AGTPBP1: variants seen among roughly 807,000 people sequenced by gnomAD.
AGTPBP1 encodes ATP/GTP binding carboxypeptidase 1, also known as cytosolic carboxypeptidase 1.
A neutral mutation model predicts 143.9 loss-of-function variants in AGTPBP1; 70 were observed. The ratio of observed to expected loss-of-function variants is 0.49; its 90% CI spans 0.40 to 0.59. The LOEUF (loss-of-function observed/expected upper bound fraction) is 0.59, where lower values mean the gene tolerates loss of function less well. Ranked by LOEUF, AGTPBP1 falls within the 20% of genes least tolerant of loss-of-function variation. The pLI, the probability that AGTPBP1 is intolerant of heterozygous loss-of-function variation, is 0.00. For synonymous variants in AGTPBP1, 463 were observed against 500.2 expected (o/e 0.93, Z 0.99); for missense variants, 1,229 against 1,464.5 (o/e 0.84, Z 2.62).
the AGTPBP1 span, among the ~76,000 whole-genome samples, chr9:85,750,115 A>T: frequency 0.48 from 72,834 of 151,918 alleles, 18,554 homozygotes; most frequent in Middle Eastern, 0.59. Context: ...ATCTCCTGAC[A>T]TTGTGATCTA....
Position 85,712,546 on chromosome 9 carries a change from C to T in AGTPBP1, c.-13G>A. The T allele has an allele frequency of 2.0e-6, 3 of 1,480,060 alleles. No individual in the cohort carries two copies. The highest frequency in any genetic ancestry group is 2.7e-6 in the Non-Finnish European group (3 of 1,100,438). The allele number at this position is 1,480,060 out of a possible 1,614,324, so 91.7% of individuals were successfully genotyped here. A position where few individuals can be genotyped will look rare whatever the true frequency, so the allele number is the denominator to read the frequency against. ...TTAACTTGCTCATCTTGAGTTACTTCATTTCATAATTGCAGATAATCTAAA... is the reference window on the plus strand; with the variant it reads ...TTAACTTGCTCATCTTGAGTTACTTTATTTCATAATTGCAGATAATCTAAA... On this transcript the variant is annotated 5_prime_UTR_variant, in exon 2 of 26. It removes an upstream start codon present in the reference 5' UTR. Transcript: ENST00000357081.
intron 2 of AGTPBP1, among the ~76,000 whole-genome samples, chr9:85,701,119 C>G (rs1162554375): frequency 6.6e-6 from 1 of 151,902 alleles, no homozygotes; most frequent in African/African-American, 2.4e-5. Flanking sequence ...ACCATGTTGG[C>G]CAGGCTGGTC....
intron 2 of AGTPBP1, among the ~76,000 whole-genome samples, chr9:85,701,583 T>C (rs535771376): frequency 1.4e-4 from 21 of 152,320 alleles, no homozygotes; most frequent in Admixed American, 8.5e-4. Context: ...TCAATTACTA[T>C]ATTGTAGGAG....
intron 2 of AGTPBP1, among the ~76,000 whole-genome samples, chr9:85,702,564 G>T (rs1836734809): frequency 7.2e-6 from 1 of 138,626 alleles, no homozygotes; most frequent in East Asian, 2.2e-4. Flanking sequence ...TACATCATCA[G>T]TTTTTTTTTT....
At chr9:85,655,469 T>C (rs1018632424) in intron 10 of AGTPBP1, 149 bp from the exon 11 acceptor site, 7 of 711,622 alleles carry the variant, frequency 9.8e-6, no homozygotes, top group African/African-American at 9.2e-5. Context: ...AATTACAAAA[T>C]AGCTTTACTA....
intron 1 of AGTPBP1, chr9:85,741,280 G>T: frequency 1.0e-6 from 1 of 985,426 alleles, no homozygotes; most frequent in Non-Finnish European, 1.2e-6. Context: ...CACCTTGCTG[G>T]CGCTCAGTCG....
At chr9:85,692,428 C>T (rs1009557414) in intron 3 of AGTPBP1, among the ~76,000 whole-genome samples, 1 of 151,960 alleles carries the variant, frequency 6.6e-6, no homozygotes, top group South Asian at 2.1e-4. Flanking sequence ...TGCATGCTAC[C>T]ACACCCGGCT....
At chr9:85,566,209 A>G (rs532786650) in intron 25 of AGTPBP1, among the ~76,000 whole-genome samples, 21 of 152,292 alleles carry the variant, frequency 1.4e-4, no homozygotes, top group Middle Eastern at 3.4e-3. Flanking sequence ...AAGTGTGAGC[A>G]AAAGGCTTCT....
chr9:85,571,516 A>C (rs1827460231), intron 25 of AGTPBP1, among the ~76,000 whole-genome samples: 1 of 152,224 alleles, frequency 6.6e-6, no homozygotes, highest in Non-Finnish European at 1.5e-5. Context: ...AGGATGAATA[A>C]ATTAAAAGTT....
the AGTPBP1 span, among the ~76,000 whole-genome samples, chr9:85,773,419 C>T: frequency 2.1e-5 from 3 of 144,726 alleles, no homozygotes; most frequent in East Asian, 2.1e-4. Context: ...CTGCAGACTC[C>T]GCCTCCCAGG....
chr9:85,649,901 C>T (rs959935079), intron 11 of AGTPBP1, among the ~76,000 whole-genome samples: 8 of 152,156 alleles, frequency 5.3e-5, no homozygotes, highest in Non-Finnish European at 7.4e-5. Context: ...GTGTCCTAAA[C>T]GTAAACAATA....
intron 17 of AGTPBP1, among the ~76,000 whole-genome samples, chr9:85,602,169 G>A (rs1255496944): frequency 6.6e-6 from 1 of 152,036 alleles, no homozygotes; most frequent in Non-Finnish European, 1.5e-5. Flanking sequence ...TACATGAAAT[G>A]CTGGAAAAGT....
intron 10 of AGTPBP1, among the ~76,000 whole-genome samples, chr9:85,655,664 A>G (rs79986789): frequency 0.01 from 1,504 of 145,386 alleles, 23 homozygotes; most frequent in African/African-American, 0.037. Context: ...ATTAAGCAAG[A>G]AAATTTAAAA....
At chr9:85,674,782 C>A (rs190970161) in intron 6 of AGTPBP1, among the ~76,000 whole-genome samples, 2 of 152,154 alleles carry the variant, frequency 1.3e-5, no homozygotes, top group Admixed American at 6.5e-5. Flanking sequence ...GCTAGAAATA[C>A]GTATGTTAAT....
At chr9:85,722,256 G>T (rs1013861226) in intron 1 of AGTPBP1, among the ~76,000 whole-genome samples, 9 of 152,204 alleles carry the variant, frequency 5.9e-5, no homozygotes, top group African/African-American at 1.9e-4. Context: ...ATAATATCCT[G>T]AAGATTGTTT....
At chr9:85,589,467 G>C in intron 20 of AGTPBP1, 61 bp downstream of exon 20, 1 of 1,535,078 alleles carries the variant, frequency 6.5e-7, no homozygotes, top group Non-Finnish European at 8.8e-7. Context: ...ATAAAATACG[G>C]TTAAAGCAAA....
chr9:85,777,425 T>G, the AGTPBP1 span, among the ~76,000 whole-genome samples: 1 of 152,152 alleles, frequency 6.6e-6, no homozygotes, highest in Non-Finnish European at 1.5e-5. Flanking sequence ...TGCTGGCAAA[T>G]TGGGCACTCA....
intron 17 of AGTPBP1, among the ~76,000 whole-genome samples, chr9:85,600,383 T>C (rs1441861320): frequency 1.3e-5 from 2 of 152,190 alleles, no homozygotes; most frequent in Non-Finnish European, 2.9e-5. Context: ...GGCTTCAAGA[T>C]GGCTGACTAG....
At chr9:85,784,508 A>G in the AGTPBP1 span, among the ~76,000 whole-genome samples, 1 of 152,026 alleles carries the variant, frequency 6.6e-6, no homozygotes. Context: ...CCTGGGCTTG[A>G]GCAATCCTCC....
Sources: gnomAD v4.1 joint callset for allele counts (sites outside exome capture counted in the v4.1 genomes callset) on GRCh38, gnomAD v4.1.1 for gene constraint, MANE v1.5 for transcripts, NCBI Gene and HGNC (gene_info 2026-07-23, HGNC 2026-07-21) for gene names.